Variants in TENM2 observed in about 807,000 individuals in gnomAD.
TENM2 encodes the protein teneurin-2.
In TENM2, 52 loss-of-function variants were observed where a neutral mutation model predicts 245.2. That is an observed-to-expected ratio of 0.21 (90% CI 0.17 to 0.27). The LOEUF (loss-of-function observed/expected upper bound fraction) is 0.27, where lower values mean the gene tolerates loss of function less well. Among genes scored for constraint, TENM2 ranks in the 10% least tolerant of loss-of-function variants. TENM2 has a pLI of 1.00. For missense variants in TENM2, 3,046 were observed against 3,666.8 expected, an observed-to-expected ratio of 0.83 and a Z score of 4.37; for synonymous variants, 1,363 against 1,438.9, an observed-to-expected ratio of 0.95 and a Z score of 1.19.
At chr5:168,170,107 A>G (rs1321578973) in intron 13 of TENM2, among the ~76,000 whole-genome samples, 1 of 152,232 alleles carries the variant, frequency 6.6e-6, no homozygotes. Flanking sequence ...TCCAGTTGAA[A>G]TAAGATCTTT....
intron 3 of TENM2, among the ~76,000 whole-genome samples, chr5:167,921,161 G>A (rs1010370562): frequency 2.0e-5 from 3 of 152,158 alleles, no homozygotes; most frequent in Admixed American, 6.5e-5. Context: ...CATCTTATCC[G>A]ATTGGTGTTG....
chr5:167,758,742 G>A (rs767977653), intron 2 of TENM2, among the ~76,000 whole-genome samples: 5 of 151,820 alleles, frequency 3.3e-5, no homozygotes, highest in African/African-American at 4.8e-5. Context: ...TGATTTTCTC[G>A]AGCCATGCAC....
At chr5:167,340,886 A>C (rs2127813132) in intron 1 of TENM2, among the ~76,000 whole-genome samples, 1 of 151,616 alleles carries the variant, frequency 6.6e-6, no homozygotes, top group East Asian at 1.9e-4. Flanking sequence ...GGGGTTTATT[A>C]TTTTTTTTTG....
At chr5:167,621,657 G>A (rs1778181925) in intron 2 of TENM2, among the ~76,000 whole-genome samples, 1 of 152,126 alleles carries the variant, frequency 6.6e-6, no homozygotes, top group Non-Finnish European at 1.5e-5. Context: ...GTGAGCTCAG[G>A]AAGACACTAC....
intron 2 of TENM2, among the ~76,000 whole-genome samples, chr5:167,757,799 T>TGGTA (rs1762407330): frequency 6.6e-6 from 1 of 152,234 alleles, no homozygotes; most frequent in Non-Finnish European, 1.5e-5. Context: ...TGGCATGAGA[T>TGGTA]GGTATCTCAT....
At chr5:167,793,592 T>C (rs1765120971) in intron 2 of TENM2, among the ~76,000 whole-genome samples, 2 of 152,106 alleles carry the variant, frequency 1.3e-5, no homozygotes, top group Non-Finnish European at 2.9e-5. Context: ...CCTAGCATTT[T>C]GGGAGGCCAA....
chr5:168,198,766 G>C (rs1874460), intron 15 of TENM2, 87 bp from the exon 18 acceptor site: 357,389 of 1,497,710 alleles, frequency 0.24, 49,849 homozygotes, highest in East Asian at 0.59. Flanking sequence ...TCTGCCCATC[G>C]CATGGCCATC....
intron 3 of TENM2, among the ~76,000 whole-genome samples, chr5:167,927,353 A>G (rs978591519): frequency 2.0e-5 from 3 of 152,122 alleles, no homozygotes; most frequent in Non-Finnish European, 2.9e-5. Context: ...TATTCTACTG[A>G]CATTGTAGAG....
the TENM2 span, among the ~76,000 whole-genome samples, chr5:167,113,147 A>G: frequency 6.6e-6 from 1 of 152,170 alleles, no homozygotes; most frequent in African/African-American, 2.4e-5. Flanking sequence ...GGGAGTTGTT[A>G]TTGACCAGGG....
At chr5:167,196,530 G>GTATATATA in the TENM2 span, among the ~76,000 whole-genome samples, 8 of 144,808 alleles carry the variant, frequency 5.5e-5, no homozygotes, top group African/African-American at 2.0e-4. Flanking sequence ...ATATATATGT[G>GTATATATA]TGTGTACATA....
At chr5:167,604,306 GC>G (rs1214045661) in intron 2 of TENM2, among the ~76,000 whole-genome samples, 1 of 152,120 alleles carries the variant, frequency 6.6e-6, no homozygotes. Context: ...AATAGCATAA[GC>G]CTTCACTTTT....
chr5:168,252,977 G>T (rs1304642132), intron 27 of TENM2, among the ~76,000 whole-genome samples: 2 of 151,734 alleles, frequency 1.3e-5, no homozygotes, highest in Non-Finnish European at 2.9e-5. Context: ...GTTTTGTTTT[G>T]TTTTTTTGAG....
intron 17 of TENM2, among the ~76,000 whole-genome samples, chr5:168,201,027 C>T (rs1291558340): frequency 6.6e-6 from 1 of 152,140 alleles, no homozygotes; most frequent in East Asian, 1.9e-4. Flanking sequence ...TGTGTTAAAT[C>T]TTTTGTTGGG....
rs573839572 is a variant in TENM2 at position 167,845,760 on chromosome 5, G to A, written c.503-30226G>A. On this transcript the variant is annotated intron_variant, in intron 2 of 28. Transcript: ENST00000518659. ...TAACCTGTTTTCAAAAACACTCTTC[G>A]CTGATTATCTCATTTTGTCTTCAAA... 2.0e-3 allele frequency among the ~76,000 whole-genome samples: 303 copies of A among 152,228 alleles called. 1 individual carries two copies. The highest frequency in any genetic ancestry group is 3.8e-3 in the Non-Finnish European group (256 of 68,008).
intron 2 of TENM2, among the ~76,000 whole-genome samples, chr5:167,793,944 T>A (rs1446229344): frequency 6.6e-6 from 1 of 151,838 alleles, no homozygotes; most frequent in Non-Finnish European, 1.5e-5. Context: ...CTTTCACTTC[T>A]GTATGCACCT....
intron 1 of TENM2, among the ~76,000 whole-genome samples, chr5:167,349,255 T>C (rs1025539664): frequency 2.0e-5 from 3 of 152,210 alleles, no homozygotes; most frequent in Non-Finnish European, 4.4e-5. Context: ...CTAATAGATC[T>C]AGGTGTAGTT....
Position 168,174,153 on chromosome 5 carries a change from T to C in TENM2, c.2569+11396T>C, listed in dbSNP as rs549888578. 5.3e-5 allele frequency among the ~76,000 whole-genome samples: 8 copies of C among 152,320 alleles called. No individual in the cohort carries two copies. In the East Asian group the frequency reaches 1.5e-3, roughly 29 times the overall value. On this transcript the variant is annotated intron_variant, in intron 13 of 28. Coordinates refer to ENST00000518659, the Ensembl canonical transcript of TENM2. Reference sequence around the variant, plus strand: ...CTGCCCCTCAGACAGAAGGCTGATATATCTGCTTGAGTTATTATAAACACA... The same window carrying C: ...CTGCCCCTCAGACAGAAGGCTGATACATCTGCTTGAGTTATTATAAACACA...
intron 2 of TENM2, among the ~76,000 whole-genome samples, chr5:167,540,329 G>C (rs1772120226): frequency 6.6e-6 from 1 of 152,092 alleles, no homozygotes; most frequent in African/African-American, 2.4e-5. Flanking sequence ...CAAAATCCAA[G>C]GACTCCAGGC....
At chr5:168,134,953 G>C (rs1754917331) in intron 12 of TENM2, among the ~76,000 whole-genome samples, 2 of 152,198 alleles carry the variant, frequency 1.3e-5, no homozygotes, top group Admixed American at 6.5e-5. Context: ...TCTCAAGTTT[G>C]AGGATGCTGC....
Sources: allele counts gnomAD v4.1 joint callset (sites outside exome capture counted in the v4.1 genomes callset), GRCh38; gene constraint gnomAD v4.1.1; transcripts MANE v1.5; gene names NCBI Gene and HGNC (gene_info 2026-07-23, HGNC 2026-07-21).